AGMO: variants seen among roughly 807,000 people sequenced by gnomAD.
AGMO encodes glyceryl-ether monooxygenase.
In AGMO, 75 loss-of-function variants were observed where a neutral mutation model predicts 60.2. That is an observed-to-expected ratio of 1.25 (90% CI 1.03 to 1.51). The LOEUF is 1.51. AGMO is among the 40% of genes most tolerant of loss of function. The pLI is 0.00. For missense variants in AGMO, 763 were observed against 525.5 expected, an observed-to-expected ratio of 1.45 and a Z score of -4.42; for synonymous variants, 261 against 177.1, an observed-to-expected ratio of 1.47 and a Z score of -3.76.
At chr7:15,431,678 A>G (rs1199131261) in intron 3 of AGMO, among the ~76,000 whole-genome samples, 1 of 151,936 alleles carries the variant, frequency 6.6e-6, no homozygotes, top group Non-Finnish European at 1.5e-5. Flanking sequence ...ATTTATAAAA[A>G]GATATTAGCT....
the AGMO span, among the ~76,000 whole-genome samples, chr7:15,185,040 C>T: frequency 1.3e-5 from 2 of 151,492 alleles, no homozygotes; most frequent in African/African-American, 2.4e-5. Context: ...ATGGTGGCAC[C>T]GATAATAAAA....
intron 2 of AGMO, among the ~76,000 whole-genome samples, chr7:15,545,618 G>A (rs1483229842): frequency 6.6e-6 from 1 of 151,878 alleles, no homozygotes; most frequent in Non-Finnish European, 1.5e-5. Flanking sequence ...TTCGAAGTAA[G>A]GTATACAAAC....
intron 12 of AGMO, among the ~76,000 whole-genome samples, chr7:15,203,793 A>T (rs1781370807): frequency 6.6e-6 from 1 of 152,170 alleles, no homozygotes; most frequent in Admixed American, 6.6e-5. Flanking sequence ...GAGCTAGAAT[A>T]AAGTTTTACA....
chr7:15,383,966 C>G (rs1364355462), intron 10 of AGMO, among the ~76,000 whole-genome samples: 5 of 151,774 alleles, frequency 3.3e-5, no homozygotes, highest in African/African-American at 4.8e-5. Flanking sequence ...GACTGAGTCT[C>G]GCTCTGTCCC....
chr7:15,176,345 C>CA, the AGMO span, among the ~76,000 whole-genome samples: 15 of 151,838 alleles, frequency 9.9e-5, no homozygotes, highest in Non-Finnish European at 1.9e-4. Context: ...ACAACTGACT[C>CA]AGTTTTTCCC....
chr7:15,393,321 A>G (rs1434312676), intron 6 of AGMO, among the ~76,000 whole-genome samples: 2 of 152,186 alleles, frequency 1.3e-5, no homozygotes, highest in Non-Finnish European at 2.9e-5. Context: ...AAACAGAACA[A>G]TAGCATTTAC....
At chr7:15,465,891 T>A (rs1015439348) in intron 3 of AGMO, among the ~76,000 whole-genome samples, 5 of 152,042 alleles carry the variant, frequency 3.3e-5, no homozygotes, top group African/African-American at 1.2e-4. Context: ...ACTATAAGAA[T>A]ACCCTCCTAA....
chr7:15,249,151 T>C (rs1782855429), intron 12 of AGMO, among the ~76,000 whole-genome samples: 1 of 152,156 alleles, frequency 6.6e-6, no homozygotes. Flanking sequence ...AGTATTCATG[T>C]GTGTGAAATT....
chr7:15,383,967 G>A (rs1007721336), intron 10 of AGMO, among the ~76,000 whole-genome samples: 4 of 151,416 alleles, frequency 2.6e-5, no homozygotes, highest in Admixed American at 2.6e-4. Context: ...ACTGAGTCTC[G>A]CTCTGTCCCC....
In AGMO at chr7:15,247,461, G is replaced by C. The variant is rs865816085; in HGVS notation, c.1264-46102C>G. Among the ~76,000 whole-genome samples, 637 of 119,648 alleles carry C rather than the reference G, an allele frequency of 5.3e-3. 4 individuals carry two copies. The highest frequency in any genetic ancestry group is 0.019 in the African/African-American group (517 of 26,920). 78.5% of individuals were successfully genotyped at this position (119,648 alleles called of 152,430 possible). A position where few individuals can be genotyped will look rare whatever the true frequency, so the allele number is the denominator to read the frequency against. ...ACACACACACACACACACACACACA[G>C]AGAGAGAGAGAGAGAGAGGGAGAGA... is the stretch of plus-strand genomic sequence containing the variant. On this transcript the variant is annotated intron_variant, in intron 12 of 12. Coordinates refer to ENST00000342526, the MANE Select transcript of AGMO (RefSeq NM_001004320.2).
chr7:15,278,976 G>T (rs1400476081), intron 12 of AGMO, among the ~76,000 whole-genome samples: 1 of 152,156 alleles, frequency 6.6e-6, no homozygotes, highest in Non-Finnish European at 1.5e-5. Flanking sequence ...TCTGTGGATG[G>T]CTGTGGTAGT....
At chr7:15,181,356 G>A in the AGMO span, among the ~76,000 whole-genome samples, 15 of 152,138 alleles carry the variant, frequency 9.9e-5, no homozygotes, top group South Asian at 2.1e-4. Flanking sequence ...TCTATCAACT[G>A]AGACTCTTTA....
intron 4 of AGMO, among the ~76,000 whole-genome samples, chr7:15,423,802 G>C (rs369545887): frequency 6.6e-6 from 1 of 152,044 alleles, no homozygotes; most frequent in Admixed American, 6.6e-5. Context: ...GTATTTAGGT[G>C]GGGGGCATGG....
intron 12 of AGMO, among the ~76,000 whole-genome samples, chr7:15,330,970 G>A (rs368566379): frequency 6.6e-6 from 1 of 152,058 alleles, no homozygotes; most frequent in East Asian, 1.9e-4. Flanking sequence ...GTGATCTTGT[G>A]TGACATCTAA....
the AGMO span, among the ~76,000 whole-genome samples, chr7:15,141,179 G>C: frequency 6.6e-6 from 1 of 152,294 alleles, no homozygotes; most frequent in East Asian, 1.9e-4. Context: ...CCTTGGGAGT[G>C]CTTGTAGGAC....
At chr7:15,520,321 G>A (rs1186095289) in intron 3 of AGMO, among the ~76,000 whole-genome samples, 1 of 152,186 alleles carries the variant, frequency 6.6e-6, no homozygotes, top group Non-Finnish European at 1.5e-5. Flanking sequence ...TATTCAGGTT[G>A]TGAACTCAGC....
In AGMO at chr7:15,203,074, G is replaced by C. The variant is rs534221279; in HGVS notation, c.1264-1715C>G. On this transcript the variant is annotated intron_variant, in intron 12 of 12. Coordinates refer to ENST00000342526, the MANE Select transcript of AGMO (RefSeq NM_001004320.2). ...GGAATCTAAGCTATATTTGGCACTA[G>C]AAGTCTTTATTGGTTACAAGGATGA... Among the ~76,000 whole-genome samples, 13 of 152,242 alleles carry C rather than the reference G, an allele frequency of 8.5e-5. No homozygotes were observed. In the East Asian group the frequency reaches 2.5e-3, roughly 29 times the overall value.
In AGMO at chr7:15,354,366, A is replaced by ATAGACGTGTG. The variant is rs1320281382; in HGVS notation, c.1263+11138_1263+11147dup. On this transcript the variant is annotated intron_variant, in intron 12 of 12. Transcript: ENST00000342526. ...CACGCGTGTATATAGACGTGTGTAT[A>ATAGACGTGTG]TAGACGTGTGTATACACGTGTGTGT... Among the ~76,000 whole-genome samples, 2 of 83,682 alleles carry ATAGACGTGTG rather than the reference A, an allele frequency of 2.4e-5. 1 individual carries two copies. The highest frequency in any genetic ancestry group is 1.3e-4 in the African/African-American group (2 of 14,842). The allele number at this position is 83,682 out of a possible 152,430, so 54.9% of individuals were successfully genotyped here. A position where few individuals can be genotyped will look rare whatever the true frequency, so the allele number is the denominator to read the frequency against.
At chr7:15,379,834 C>G (rs963419959) in intron 10 of AGMO, among the ~76,000 whole-genome samples, 1 of 152,108 alleles carries the variant, frequency 6.6e-6, no homozygotes, top group Non-Finnish European at 1.5e-5. Flanking sequence ...GGCTTTATCC[C>G]TGGGTGCAAG....
Sources: allele counts gnomAD v4.1 joint callset (sites outside exome capture counted in the v4.1 genomes callset), GRCh38; gene constraint gnomAD v4.1.1; transcripts MANE v1.5; gene names NCBI Gene and HGNC (gene_info 2026-07-23, HGNC 2026-07-21).